BTG4: variants seen among roughly 807,000 people sequenced by gnomAD.
The protein encoded by BTG4 is BTG anti-proliferation factor 4.
A neutral mutation model predicts 19.3 loss-of-function variants in BTG4; 10 were observed. The observed-to-expected ratio is 0.52, with a 90% CI of 0.32 to 0.88. BTG4 has a LOEUF of 0.88. Ranked by LOEUF, BTG4 falls within the 40% of genes least tolerant of loss-of-function variation. The pLI is 0.04. For missense variants in BTG4, 238 were observed against 281.9 expected (o/e 0.84, Z 1.11); for synonymous variants, 91 against 95.7 (o/e 0.95, Z 0.29).
At chr11:111,482,047 C>T (rs1864773153) in intron 5 of BTG4, among the ~76,000 whole-genome samples, 1 of 151,804 alleles carries the variant, frequency 6.6e-6, no homozygotes, top group Non-Finnish European at 1.5e-5. Context: ...ATGCAGATGA[C>T]ATGATTGTCA....
chr11:111,389,081 A>G, the BTG4 span, among the ~76,000 whole-genome samples: 2 of 152,228 alleles, frequency 1.3e-5, no homozygotes, highest in Non-Finnish European at 2.9e-5. Flanking sequence ...AGTTTCCTAT[A>G]AAAAGGAAAA....
chr11:111,512,525 G>A (rs1193241204), upstream of BTG4, among the ~76,000 whole-genome samples: 3 of 152,156 alleles, frequency 2.0e-5, no homozygotes, highest in Non-Finnish European at 4.4e-5. Flanking sequence ...GGTCGAGAGA[G>A]CCAGCTCTAG....
chr11:111,419,337 T>C, the BTG4 span, among the ~76,000 whole-genome samples: 2 of 152,332 alleles, frequency 1.3e-5, no homozygotes, highest in African/African-American at 2.4e-5. Flanking sequence ...GCCTTCCTTC[T>C]TGGCTGACTG....
chr11:111,510,475 T>C (rs1401377591), intron 1 of BTG4, among the ~76,000 whole-genome samples: 1 of 152,182 alleles, frequency 6.6e-6, no homozygotes, highest in Admixed American at 6.5e-5. Context: ...TGCAATCCTC[T>C]GTGTGGGCAT....
chr11:111,422,508 C>T, the BTG4 span, among the ~76,000 whole-genome samples: 1 of 152,226 alleles, frequency 6.6e-6, no homozygotes, highest in Non-Finnish European at 1.5e-5. Flanking sequence ...CTTCATCGCC[C>T]TAATGCTCAC....
intron 1 of BTG4, among the ~76,000 whole-genome samples, chr11:111,499,910 G>A (rs1284673083): frequency 6.6e-6 from 1 of 152,130 alleles, no homozygotes; most frequent in Admixed American, 6.5e-5. Flanking sequence ...GGAAGGCCGA[G>A]GCAGGTGGAT....
upstream of BTG4, chr11:111,514,434 G>A (rs1011148432): frequency 6.3e-6 from 2 of 319,876 alleles, no homozygotes; most frequent in Admixed American, 4.5e-5. Flanking sequence ...GGGCAATGGG[G>A]CTGAGGAATT....
chr11:111,514,490 G>T, upstream of BTG4: 1 of 357,512 alleles, frequency 2.8e-6, no homozygotes, highest in Non-Finnish European at 5.2e-6. Flanking sequence ...AGAGGATGTG[G>T]CAGCCCACTG....
rs750717782 is a variant in BTG4, at chr11:111,498,597, C to A, written c.173+7G>T. On this transcript the variant is annotated splice_region_variant and intron_variant, in intron 2 of 4. Coordinates refer to ENST00000692032, the MANE Select transcript of BTG4 (RefSeq NM_001367975.1). Reference sequence around the variant, plus strand: ...TTCCCTTTGCCATCCCACATACTAGCTCTCACCTGAAGGCTTGCCCTTTAG... The same window carrying A: ...TTCCCTTTGCCATCCCACATACTAGATCTCACCTGAAGGCTTGCCCTTTAG... The A allele has an allele frequency of 6.2e-7, 1 of 1,610,104 alleles. No individual in the cohort carries two copies. Among genetic ancestry groups the A allele is most frequent in the Non-Finnish European group, 8.5e-7 (1 of 1,178,832 alleles).
chr11:111,476,631 T>C (rs1864414010), intron 5 of BTG4, among the ~76,000 whole-genome samples: 2 of 152,114 alleles, frequency 1.3e-5, no homozygotes, highest in South Asian at 4.1e-4. Context: ...AGTACCAAAT[T>C]AGACAGCCTT....
chr11:111,465,714 AAC>A (rs1463098505), downstream of BTG4, among the ~76,000 whole-genome samples: 3 of 152,208 alleles, frequency 2.0e-5, no homozygotes, highest in Non-Finnish European at 4.4e-5. Flanking sequence ...AGATGCAGGT[AAC>A]ACATTTTGGT....
intron 5 of BTG4, among the ~76,000 whole-genome samples, chr11:111,477,286 A>G (rs756367091): frequency 5.3e-5 from 8 of 152,116 alleles, no homozygotes; most frequent in Non-Finnish European, 1.2e-4. Flanking sequence ...AATCAAATCA[A>G]TAGCAAGTTC....
intron 5 of BTG4, among the ~76,000 whole-genome samples, chr11:111,472,239 A>G (rs1049646838): frequency 2.0e-5 from 3 of 151,724 alleles, no homozygotes; most frequent in Non-Finnish European, 4.4e-5. Context: ...CTTACCTACT[A>G]CCCTTCCCCT....
At chr11:111,474,735 C>A (rs962099799) in intron 5 of BTG4, among the ~76,000 whole-genome samples, 1 of 152,084 alleles carries the variant, frequency 6.6e-6, no homozygotes, top group Non-Finnish European at 1.5e-5. Flanking sequence ...TAGATACTAC[C>A]AACTAGAGTT....
At chr11:111,384,114 G>C in the BTG4 span, among the ~76,000 whole-genome samples, 161 of 152,236 alleles carry the variant, frequency 1.1e-3, 1 homozygote, top group African/African-American at 3.8e-3. Flanking sequence ...TATTCTAATA[G>C]TTTGTTGGTT....
At chr11:111,404,860 A>G in the BTG4 span, 1 of 342,490 alleles carries the variant, frequency 2.9e-6, no homozygotes, top group Non-Finnish European at 5.8e-6. Flanking sequence ...ATATTGAACA[A>G]TTTCAAGCAT....
intron 1 of BTG4, among the ~76,000 whole-genome samples, chr11:111,506,723 T>C (rs1255858141): frequency 6.6e-6 from 1 of 152,178 alleles, no homozygotes; most frequent in Non-Finnish European, 1.5e-5. Flanking sequence ...CAGCACTCTA[T>C]ACCATTATAA....
chr11:111,411,042 G>T, the BTG4 span, among the ~76,000 whole-genome samples: 1 of 152,134 alleles, frequency 6.6e-6, no homozygotes, highest in African/African-American at 2.4e-5. Context: ...AGATTAACGT[G>T]ATCCTTCTCT....
At chr11:111,508,709 T>G (rs1866633703) in intron 1 of BTG4, among the ~76,000 whole-genome samples, 1 of 150,908 alleles carries the variant, frequency 6.6e-6, no homozygotes, top group Admixed American at 6.6e-5. Flanking sequence ...TCATCAGGAT[T>G]CCTGAAGCAC....
Sources: gnomAD v4.1 joint callset for allele counts (sites outside exome capture counted in the v4.1 genomes callset) on GRCh38, gnomAD v4.1.1 for gene constraint, MANE v1.5 for transcripts, NCBI Gene and HGNC (gene_info 2026-07-23, HGNC 2026-07-21) for gene names.